MINDY3: variants seen among roughly 807,000 people sequenced by gnomAD.
MINDY3 encodes ubiquitin carboxyl-terminal hydrolase MINDY-3.
In MINDY3, 38 loss-of-function variants were observed where a neutral mutation model predicts 69.2. That is an observed-to-expected ratio of 0.55 (90% confidence interval 0.42 to 0.72). MINDY3 has a LOEUF of 0.72. MINDY3 is among the 30% of genes least tolerant of loss of function. MINDY3 has a pLI of 0.00. For missense variants in MINDY3, 522 were observed against 519.0 expected, an observed-to-expected ratio of 1.01 and a Z score of -0.06; for synonymous variants, 192 against 180.1, an observed-to-expected ratio of 1.07 and a Z score of -0.53.
At chr10:15,857,440 A>G (rs1034471583) in intron 1 of MINDY3, among the ~76,000 whole-genome samples, 1 of 152,068 alleles carries the variant, frequency 6.6e-6, no homozygotes, top group African/African-American at 2.4e-5. Context: ...CTCCCACCCT[A>G]CTGACTCTCA....
chr10:15,830,259 A>G (rs1436225436), intron 8 of MINDY3, among the ~76,000 whole-genome samples: 1 of 152,226 alleles, frequency 6.6e-6, no homozygotes, highest in Non-Finnish European at 1.5e-5. Flanking sequence ...CCAGTTGTTG[A>G]TAAGAGTGCT....
At chr10:15,796,954 T>C (rs1837887277) in intron 10 of MINDY3, among the ~76,000 whole-genome samples, 1 of 152,120 alleles carries the variant, frequency 6.6e-6, no homozygotes, top group Non-Finnish European at 1.5e-5. Context: ...TTACCTATAA[T>C]TGTCTTTGCC....
At chr10:15,823,796 C>T (rs1278317631) in intron 8 of MINDY3, among the ~76,000 whole-genome samples, 5 of 152,070 alleles carry the variant, frequency 3.3e-5, no homozygotes, top group Admixed American at 1.3e-4. Context: ...CTTCTCCCAC[C>T]GCCTGCCACT....
chr10:15,821,727 C>A lies in MINDY3; in HGVS notation c.731-1G>T. 6.2e-7 allele frequency: 1 copy of A among 1,609,068 alleles called. No individual in the cohort carries two copies. The highest frequency in any genetic ancestry group is 8.5e-7 in the Non-Finnish European group (1 of 1,178,498). On this transcript the variant is annotated splice_acceptor_variant, in intron 8 of 14. Transcript: ENST00000277632. LOFTEE classifies it high-confidence loss of function. ...GCTTGTTCATGTATACCAAGAAGTTCTGCAAAAAACAACAACAACAACAAA... is the reference window on the plus strand; with the variant it reads ...GCTTGTTCATGTATACCAAGAAGTTATGCAAAAAACAACAACAACAACAAA...
At chr10:15,851,866 C>T (rs1426140509) in intron 1 of MINDY3, among the ~76,000 whole-genome samples, 2 of 152,110 alleles carry the variant, frequency 1.3e-5, no homozygotes, top group African/African-American at 4.8e-5. Context: ...CTAGAAGACA[C>T]TGTATGATCT....
chr10:15,846,499 G>T (rs371300504), intron 2 of MINDY3, among the ~76,000 whole-genome samples: 1 of 151,602 alleles, frequency 6.6e-6, no homozygotes, highest in Admixed American at 6.6e-5. Flanking sequence ...TAATTCCAAG[G>T]CAAGATTCAG....
intron 13 of MINDY3, among the ~76,000 whole-genome samples, chr10:15,783,766 G>A (rs997615606): frequency 6.6e-6 from 1 of 152,000 alleles, no homozygotes; most frequent in African/African-American, 2.4e-5. Flanking sequence ...CAATTTGATC[G>A]TTTCCTTAAT....
At chr10:15,841,634 C>T (rs1833476129) in intron 3 of MINDY3, 35 bp from the exon 4 acceptor site, 3 of 1,448,136 alleles carry the variant, frequency 2.1e-6, no homozygotes, top group Middle Eastern at 1.8e-4. Context: ...ATAATGGTTT[C>T]CTCTGGAAAA....
chr10:15,834,109 G>A (rs1409231032), intron 7 of MINDY3, among the ~76,000 whole-genome samples: 1 of 151,964 alleles, frequency 6.6e-6, no homozygotes, highest in Non-Finnish European at 1.5e-5. Flanking sequence ...TCACGTATTA[G>A]AGTAGGTTAA....
intron 10 of MINDY3, among the ~76,000 whole-genome samples, chr10:15,815,287 ACT>A (rs1035691651): frequency 3.3e-5 from 5 of 152,234 alleles, no homozygotes; most frequent in South Asian, 2.1e-4. Flanking sequence ...TGTATCAGTA[ACT>A]CTGTACTTTT....
At chr10:15,786,974 T>C (rs1163169932) in intron 12 of MINDY3, among the ~76,000 whole-genome samples, 1 of 152,184 alleles carries the variant, frequency 6.6e-6, no homozygotes, top group Non-Finnish European at 1.5e-5. Context: ...CTTTGCTTCA[T>C]AGGTATGCCT....
At chr10:15,802,625 G>A (rs1427600748) in intron 10 of MINDY3, among the ~76,000 whole-genome samples, 3 of 152,134 alleles carry the variant, frequency 2.0e-5, no homozygotes, top group Non-Finnish European at 4.4e-5. Flanking sequence ...CTGAAGTTAA[G>A]TGTAAAACAA....
At chr10:15,806,734 T>C (rs1165196308) in intron 10 of MINDY3, among the ~76,000 whole-genome samples, 1 of 152,202 alleles carries the variant, frequency 6.6e-6, no homozygotes, top group East Asian at 1.9e-4. Context: ...TTCATCTTAA[T>C]ATCCTAGCAC....
intron 11 of MINDY3, among the ~76,000 whole-genome samples, chr10:15,790,717 C>CTGGTTTA (rs1837343909): frequency 6.6e-6 from 1 of 152,120 alleles, no homozygotes; most frequent in Admixed American, 6.6e-5. Flanking sequence ...CAAATTTTTT[C>CTGGTTTA]TGGTTTATGA....
chr10:15,809,850 G>A (rs1361104756), intron 10 of MINDY3, among the ~76,000 whole-genome samples: 1 of 152,104 alleles, frequency 6.6e-6, no homozygotes, highest in Non-Finnish European at 1.5e-5. Flanking sequence ...GACAGAGACA[G>A]AGGGTTAGTA....
chr10:15,841,643 A>G (rs565173615), intron 3 of MINDY3, 44 bp from the exon 4 acceptor site: 1 of 1,360,466 alleles, frequency 7.4e-7, no homozygotes, highest in African/African-American at 1.5e-5. Flanking sequence ...TCCTCTGGAA[A>G]AAAAAAAATT....
chr10:15,842,970 C>T lies in MINDY3; in HGVS notation c.235+242G>A, dbSNP rs984691207. 2.0e-4 allele frequency among the ~76,000 whole-genome samples: 30 copies of T among 150,106 alleles called. No individual in the cohort carries two copies. The Middle Eastern group carries it at 0.011, about 53-fold the overall frequency. ...TGCCACCTAACAGTTCTAGGAAATG[C>T]ACCGTGTTTTACCAAGAGGCCAAAC... On this transcript the variant is annotated intron_variant, in intron 3 of 14. Coordinates refer to ENST00000277632, the MANE Select transcript of MINDY3 (RefSeq NM_024948.4).
At chr10:15,813,208 T>G (rs562214225) in intron 10 of MINDY3, among the ~76,000 whole-genome samples, 2 of 152,296 alleles carry the variant, frequency 1.3e-5, no homozygotes, top group Admixed American at 1.3e-4. Flanking sequence ...TAACATGGCC[T>G]GCTATTCTTC....
intron 6 of MINDY3, 149 bp from the exon 7 acceptor site, chr10:15,834,765 T>C (rs548439353): frequency 1.7e-6 from 1 of 587,324 alleles, no homozygotes; most frequent in South Asian, 2.3e-5. Flanking sequence ...TGGGGGTGCA[T>C]TTGAGATAAC....
Sources: gnomAD v4.1 joint callset for allele counts (sites outside exome capture counted in the v4.1 genomes callset) on GRCh38, gnomAD v4.1.1 for gene constraint, MANE v1.5 for transcripts, NCBI Gene and HGNC (gene_info 2026-07-23, HGNC 2026-07-21) for gene names.